Variants in MYOF observed in about 807,000 individuals in gnomAD.
The protein encoded by MYOF is fer-1-like 3, myoferlin.
Under a neutral mutation model 284.2 loss-of-function variants are expected in MYOF, and 244 were observed. The observed-to-expected ratio is 0.86, with a 90% CI of 0.77 to 0.95. The LOEUF is 0.95. Ranked by LOEUF, MYOF falls within the 40% of genes least tolerant of loss-of-function variation. The pLI is 0.00. For missense variants in MYOF, 2,496 were observed against 2,560.6 expected, an observed-to-expected ratio of 0.97 and a Z score of 0.54; for synonymous variants, 904 against 919.7, an observed-to-expected ratio of 0.98 and a Z score of 0.31.
rs867885910 is a variant in MYOF at position 93,329,663 on chromosome 10, C to A, written c.4982+1G>T. On this transcript the variant is annotated splice_donor_variant, in intron 44 of 53. Coordinates refer to ENST00000359263, the MANE Select transcript of MYOF (RefSeq NM_013451.4). LOFTEE classifies it high-confidence loss of function. The stretch of plus-strand genomic sequence containing the variant: ...CCTCTTGTACAGTCAAAGCAACTTA[C>A]ACACAGTACTCCTCTGGTATGCCGC... 1.1e-5 allele frequency: 18 copies of A among 1,613,772 alleles called. No homozygotes were observed. In the Middle Eastern group the frequency reaches 1.9e-3, roughly 172 times the overall value.
rs201956372 is a variant in MYOF, at chr10:93,408,801, G to C, written c.715C>G (p.Pro239Ala). 7.4e-6 allele frequency: 12 copies of C among 1,614,136 alleles called. No individual in the cohort carries two copies. Among genetic ancestry groups the C allele is most frequent in the South Asian group, 4.4e-5 (4 of 91,080 alleles). Residue 239 changes from proline (P) to alanine (A), a missense_variant, in exon 7 of 54, where the codon CCT (proline) becomes GCT (alanine). Transcript: ENST00000359263. ...AACCCCTTTACCTCATCAAAAAAAG[G>C]GTTGTTTCCTCTCTTGATTCTTGTT... Reference protein sequence around the residue: ...HRTRIKRGNNPFFDELFFYNV... With the variant: ...HRTRIKRGNNAFFDELFFYNV...
intron 1 of MYOF, among the ~76,000 whole-genome samples, chr10:93,469,952 G>T (rs952619116): frequency 3.9e-5 from 6 of 152,064 alleles, no homozygotes; most frequent in Admixed American, 3.9e-4. Context: ...GAGTAGGCCG[G>T]GCGCAGTGGC....
chr10:93,425,168 T>C (rs932053991), intron 5 of MYOF, among the ~76,000 whole-genome samples: 4 of 152,060 alleles, frequency 2.6e-5, no homozygotes, highest in East Asian at 1.9e-4. Context: ...CTCGAACTCC[T>C]GACCCCAGGT....
intron 20 of MYOF, among the ~76,000 whole-genome samples, chr10:93,380,562 T>C (rs945836311): frequency 2.6e-5 from 4 of 152,194 alleles, no homozygotes; most frequent in Admixed American, 2.0e-4. Flanking sequence ...TCAGTATTCC[T>C]CTCTCCCTTC....
intron 31 of MYOF, 21 bp from the exon 32 acceptor site, chr10:93,353,909 T>C: frequency 6.3e-7 from 1 of 1,582,008 alleles, no homozygotes. Context: ...AGGATAAAGA[T>C]TACTTACAAG....
At chr10:93,434,270 C>T (rs919509740) in intron 3 of MYOF, among the ~76,000 whole-genome samples, 1 of 151,702 alleles carries the variant, frequency 6.6e-6, no homozygotes, top group African/African-American at 2.4e-5. Context: ...GTCTCTACTA[C>T]AAATACAACA....
chr10:93,310,250 T>C (rs1362235858), intron 52 of MYOF, 83 bp from the exon 53 acceptor site: 9 of 1,506,794 alleles, frequency 6.0e-6, no homozygotes, highest in Middle Eastern at 1.7e-4. Flanking sequence ...GTTTCAGGAA[T>C]AAAGAATCAC....
intron 1 of MYOF, among the ~76,000 whole-genome samples, chr10:93,469,477 T>C (rs1416817999): frequency 2.0e-5 from 3 of 151,796 alleles, no homozygotes; most frequent in South Asian, 2.1e-4. Context: ...ATTTCACACA[T>C]GGAAGCCATC....
At chr10:93,311,909 A>G (rs1842408334) in intron 51 of MYOF, among the ~76,000 whole-genome samples, 1 of 152,210 alleles carries the variant, frequency 6.6e-6, no homozygotes, top group African/African-American at 2.4e-5. Context: ...TGTAACGGAA[A>G]GCAGGTCAGT....
chr10:93,424,428 T>C (rs1205126893), intron 5 of MYOF, among the ~76,000 whole-genome samples: 2 of 152,164 alleles, frequency 1.3e-5, no homozygotes, highest in Non-Finnish European at 2.9e-5. Flanking sequence ...TGCTGGCCTG[T>C]GTCCTCTGTG....
At chr10:93,368,338 G>A (rs897612034) in intron 25 of MYOF, among the ~76,000 whole-genome samples, 6 of 152,126 alleles carry the variant, frequency 3.9e-5, no homozygotes, top group South Asian at 2.1e-4. Flanking sequence ...CCCCACTCTC[G>A]CCCCATGTTG....
At chr10:93,338,478 C>T in intron 39 of MYOF, 1 of 456,836 alleles carries the variant, frequency 2.2e-6, no homozygotes, top group South Asian at 1.5e-5. Context: ...CCACTGAATG[C>T]AATAATAACA....
intron 48 of MYOF, among the ~76,000 whole-genome samples, chr10:93,321,839 G>C (rs1564616312): frequency 6.6e-6 from 1 of 152,132 alleles, no homozygotes; most frequent in Admixed American, 6.5e-5. Flanking sequence ...ATACCCAGCT[G>C]TGTCTAGCAC....
In MYOF at chr10:93,340,979, G is replaced by C. The variant is rs1391386243; in HGVS notation, c.4327-815C>G. ...GGCTCTTCCTCCGGTTGCCATGTGA[G>C]AGGCCATGGAGCTGCTTCCGTAGGT... On this transcript the variant is annotated intron_variant, in intron 38 of 53. Coordinates refer to ENST00000359263, the MANE Select transcript of MYOF (RefSeq NM_013451.4). 2.0e-5 allele frequency among the ~76,000 whole-genome samples: 3 copies of C among 152,170 alleles called. No individual in the cohort carries two copies. In the East Asian group the frequency reaches 5.8e-4, roughly 29 times the overall value.
intron 11 of MYOF, among the ~76,000 whole-genome samples, chr10:93,401,988 C>T (rs1344924982): frequency 6.6e-6 from 1 of 152,128 alleles, no homozygotes; most frequent in African/African-American, 2.4e-5. Flanking sequence ...GAGGCAAGGA[C>T]GTTGTAAAAA....
chr10:93,360,216 C>G (rs1845002975), intron 28 of MYOF, among the ~76,000 whole-genome samples: 1 of 152,200 alleles, frequency 6.6e-6, no homozygotes, highest in Non-Finnish European at 1.5e-5. Context: ...TTTTATGCTT[C>G]CAGTCATTCA....
chr10:93,333,188 A>G (rs1034444707), intron 43 of MYOF, 33 bp downstream of exon 43: 1 of 1,555,778 alleles, frequency 6.4e-7, no homozygotes, highest in Non-Finnish European at 8.9e-7. Context: ...TGGAGAAATG[A>G]AGGCCAGAAA....
intron 15 of MYOF, among the ~76,000 whole-genome samples, chr10:93,396,807 TCTA>T (rs1341661290): frequency 6.6e-6 from 1 of 152,216 alleles, no homozygotes. Flanking sequence ...AGAAGGCTGG[TCTA>T]CTAAAAATTC....
intron 35 of MYOF, among the ~76,000 whole-genome samples, chr10:93,350,943 T>G (rs961452627): frequency 4.6e-5 from 7 of 152,170 alleles, no homozygotes; most frequent in South Asian, 4.1e-4. Flanking sequence ...CCAGTTGACC[T>G]GAAAAACTCA....
Sources: gnomAD v4.1 joint callset for allele counts (sites outside exome capture counted in the v4.1 genomes callset) on GRCh38, gnomAD v4.1.1 for gene constraint, MANE v1.5 for transcripts, NCBI Gene and HGNC (gene_info 2026-07-23, HGNC 2026-07-21) for gene names.